The following RNF212 variants were observed in gnomAD, a reference collection of about 807,000 sequenced individuals.
RNF212 encodes ring finger protein 212.
Under a neutral mutation model 34.7 loss-of-function variants are expected in RNF212, and 33 were observed. The ratio of observed to expected loss-of-function variants is 0.95; its 90% CI spans 0.72 to 1.27. RNF212 has a LOEUF of 1.27. Ranked by LOEUF, RNF212 falls within the 50% of genes most tolerant of loss-of-function variation. The pLI is 0.00. For synonymous variants in RNF212, 140 were observed against 136.1 expected (o/e 1.03, Z -0.20); for missense variants, 377 against 362.2 (o/e 1.04, Z -0.33).
intron 2 of RNF212, among the ~76,000 whole-genome samples, chr4:1,099,174 G>A (rs1016564268): frequency 1.3e-5 from 2 of 152,188 alleles, no homozygotes; most frequent in South Asian, 4.1e-4. Flanking sequence ...GAGGGCCGGC[G>A]ATAAGCCAGG....
intron 2 of RNF212, among the ~76,000 whole-genome samples, chr4:1,105,270 C>T (rs1724628000): frequency 6.7e-6 from 1 of 149,520 alleles, no homozygotes; most frequent in Non-Finnish European, 1.5e-5. Flanking sequence ...AGGGGGAGCA[C>T]AGCTGCTGCT....
chr4:1,056,503 ACT>A, intron 4 of RNF212: 1 of 986,140 alleles, frequency 1.0e-6, no homozygotes, highest in Non-Finnish European at 1.2e-6. Context: ...AAAACTTCAC[ACT>A]GTTGAGGAAA....
chr4:1,103,340 A>G (rs1724322064), intron 2 of RNF212, among the ~76,000 whole-genome samples: 1 of 152,236 alleles, frequency 6.6e-6, no homozygotes, highest in African/African-American at 2.4e-5. Context: ...CCCCCATCTT[A>G]CAAAAAATTT....
At chr4:1,112,677 G>A (rs1260543843) in intron 1 of RNF212, among the ~76,000 whole-genome samples, 8 of 133,790 alleles carry the variant, frequency 6.0e-5, no homozygotes, top group African/African-American at 2.3e-4. Flanking sequence ...CTCGTGGCCC[G>A]ACCCCTGTGT....
At chr4:1,064,795 C>G (rs560990504) in intron 3 of RNF212, among the ~76,000 whole-genome samples, 1 of 152,322 alleles carries the variant, frequency 6.6e-6, no homozygotes, top group South Asian at 2.1e-4. Context: ...TCCCATTAAA[C>G]GAGAGCTTCC....
chr4:1,087,523 T>TG (rs151308849), intron 4 of RNF212, among the ~76,000 whole-genome samples: 1,059 of 10,038 alleles, frequency 0.11, 30 homozygotes, highest in African/African-American at 0.28. Flanking sequence ...CAGGATGAGG[T>TG]GGGGGGGTGA....
intron 5 of RNF212, among the ~76,000 whole-genome samples, chr4:1,083,106 T>C (rs548476700): frequency 2.6e-5 from 4 of 152,188 alleles, no homozygotes; most frequent in African/African-American, 9.6e-5. Flanking sequence ...ACCAGGTATG[T>C]AGAGAGTGGG....
chr4:1,112,751 C>A (rs866624765), intron 1 of RNF212, among the ~76,000 whole-genome samples: 1 of 125,688 alleles, frequency 8.0e-6, no homozygotes, highest in Non-Finnish European at 1.7e-5. Context: ...TTCCTGCCTG[C>A]GGACCCTCCC....
At chr4:1,082,416 G>T (rs1335915495) in intron 5 of RNF212, among the ~76,000 whole-genome samples, 2 of 152,192 alleles carry the variant, frequency 1.3e-5, no homozygotes, top group Non-Finnish European at 2.9e-5. Flanking sequence ...TGAGGTGCAT[G>T]ACTGCACATG....
At chr4:1,087,920 C>T (rs1175169256) in intron 4 of RNF212, among the ~76,000 whole-genome samples, 2 of 152,070 alleles carry the variant, frequency 1.3e-5, no homozygotes, top group Non-Finnish European at 2.9e-5. Flanking sequence ...CCCAGCCATG[C>T]AGAACTGTGA....
chr4:1,069,037 A>C (rs1214970473), downstream of RNF212, among the ~76,000 whole-genome samples: 1 of 152,116 alleles, frequency 6.6e-6, no homozygotes, highest in African/African-American at 2.4e-5. Flanking sequence ...GCGAAACTCC[A>C]TCTCTACTAA....
intron 3 of RNF212, among the ~76,000 whole-genome samples, chr4:1,062,962 C>T (rs1717845672): frequency 1.3e-5 from 2 of 152,092 alleles, no homozygotes; most frequent in Non-Finnish European, 2.9e-5. Flanking sequence ...TATAGTAGCA[C>T]CAAAATAACA....
rs753197988 is a variant in RNF212 at position 1,085,949 on chromosome 4, A to G, written c.309T>C (p.Ser103=). 6.8e-6 allele frequency: 11 copies of G among 1,606,680 alleles called. No homozygotes were observed. The highest frequency in any genetic ancestry group is 9.4e-6 in the Non-Finnish European group (11 of 1,174,054). ...ACTTCCTAAGGGATTCTTCCAACCT[A>G]GAAATCTAAACATAATTACACAACC... is the stretch of plus-strand genomic sequence containing the variant. ...RLLAFYREKI[S]RLEESLRKSV... The change falls in exon 5 of 10, where the codon TCT becomes TCC. Residue 103 remains serine, a synonymous_variant. Coordinates refer to ENST00000433731, the MANE Select transcript of RNF212 (RefSeq NM_001131034.4).
At chr4:1,112,672 G>T (rs1725878662) in intron 1 of RNF212, among the ~76,000 whole-genome samples, 1 of 147,684 alleles carries the variant, frequency 6.8e-6, no homozygotes, top group African/African-American at 2.5e-5. Flanking sequence ...CAGGACTCGT[G>T]GCCCGACCCC....
rs766998073 is a variant in RNF212, at chr4:1,072,826, G to GAA, written c.*46_*47dup. ...GATAATTTGTAGAAAAAACACAGAG[G>GAA]AATAAATTGAAAACACTCAGAATCA... On this transcript the variant is annotated 3_prime_UTR_variant, in exon 10 of 10. Coordinates refer to ENST00000433731, the MANE Select transcript of RNF212 (RefSeq NM_001131034.4). 7.9e-6 allele frequency: 12 copies of GAA among 1,516,476 alleles called. No homozygotes were observed. In the South Asian group the frequency reaches 1.5e-4, roughly 19 times the overall value. The allele number at this position is 1,516,476 out of a possible 1,614,324, so 93.9% of individuals were successfully genotyped here. A position where few individuals can be genotyped will look rare whatever the true frequency, so the allele number is the denominator to read the frequency against.
intron 2 of RNF212, among the ~76,000 whole-genome samples, chr4:1,097,281 G>T (rs1467575789): frequency 6.6e-6 from 1 of 152,142 alleles, no homozygotes; most frequent in Non-Finnish European, 1.5e-5. Context: ...CAAATGTAAG[G>T]ACCTTAAGAA....
chr4:1,090,961 G>A lies in RNF212; in HGVS notation c.247-123C>T. 14 of 646,246 alleles carry A rather than the reference G, an allele frequency of 2.2e-5. No homozygotes were observed. In the South Asian group the frequency reaches 2.6e-4, roughly 12 times the overall value. The allele number at this position is 646,246 out of a possible 1,614,324, so 40.0% of individuals were successfully genotyped here. On this transcript the variant is annotated intron_variant, in intron 3 of 9. Transcript: ENST00000433731. ...AGCTCACAGTGCTTGTCTTACGTGT[G>A]TCCTGCCCCCACAGACGCCCATGGC... is the stretch of plus-strand genomic sequence containing the variant.
intron 2 of RNF212, chr4:1,101,325 T>A (rs1723952509): frequency 3.8e-6 from 1 of 264,520 alleles, no homozygotes; most frequent in South Asian, 5.0e-5. Flanking sequence ...TAGACAATAC[T>A]GAGCAGAATT....
chr4:1,079,701 T>C lies in RNF212; in HGVS notation c.465-13A>G. 1.2e-6 allele frequency: 2 copies of C among 1,604,786 alleles called. No homozygotes were observed. The highest frequency in any genetic ancestry group is 2.2e-5 in the East Asian group (1 of 44,846). Reference sequence around the variant, plus strand: ...CATCGACTCCAGTCTGTTAAACACATAGTGAAAGGCTTTGAGTGAGCCCAG... The same window carrying C: ...CATCGACTCCAGTCTGTTAAACACACAGTGAAAGGCTTTGAGTGAGCCCAG... On this transcript the variant is annotated splice_polypyrimidine_tract_variant and intron_variant, in intron 7 of 9. Transcript: ENST00000433731.
Sources: allele counts gnomAD v4.1 joint callset (sites outside exome capture counted in the v4.1 genomes callset), GRCh38; gene constraint gnomAD v4.1.1; transcripts MANE v1.5; gene names NCBI Gene and HGNC (gene_info 2026-07-23, HGNC 2026-07-21).